ME1: variants seen among roughly 807,000 people sequenced by gnomAD.
The protein encoded by ME1 is NADP-dependent malic enzyme.
A neutral mutation model predicts 66.4 loss-of-function variants in ME1; 74 were observed. That is an observed-to-expected ratio of 1.11 (90% CI 0.92 to 1.35). The LOEUF is 1.35. ME1 is among the 40% of genes most tolerant of loss of function. The probability of loss-of-function intolerance (pLI) is 0.00; values close to 1 mark genes in which losing one functional copy is unlikely to be tolerated. For missense variants in ME1, 750 were observed against 694.1 expected, an observed-to-expected ratio of 1.08 and a Z score of -0.90; for synonymous variants, 251 against 235.6, an observed-to-expected ratio of 1.07 and a Z score of -0.60.
chr6:83,245,314 T>G (rs988520422), intron 7 of ME1, among the ~76,000 whole-genome samples: 3 of 152,136 alleles, frequency 2.0e-5, no homozygotes, highest in Non-Finnish European at 4.4e-5. Context: ...AAGAAGGCAA[T>G]AGAGAGAAAG....
intron 6 of ME1, among the ~76,000 whole-genome samples, chr6:83,268,731 A>G (rs1011871474): frequency 6.9e-6 from 1 of 144,374 alleles, no homozygotes; most frequent in Admixed American, 6.9e-5. Context: ...ATGCCCCGTT[A>G]TTATTATTAT....
chr6:83,343,323 G>A (rs1301244153), intron 5 of ME1, among the ~76,000 whole-genome samples: 1 of 152,150 alleles, frequency 6.6e-6, no homozygotes, highest in Non-Finnish European at 1.5e-5. Context: ...GGTACTCAAT[G>A]TTGGTCTAAT....
intron 1 of ME1, 100 bp downstream of exon 1, chr6:83,430,777 G>T: frequency 9.4e-7 from 1 of 1,061,622 alleles, no homozygotes. Context: ...CTTCCCAGGG[G>T]AGCGGCGGAG....
At chr6:83,222,785 C>A (rs1790117489) in intron 12 of ME1, among the ~76,000 whole-genome samples, 1 of 152,152 alleles carries the variant, frequency 6.6e-6, no homozygotes, top group Admixed American at 6.5e-5. Context: ...CTGTCAATAT[C>A]TATGAAATTG....
chr6:83,293,557 G>A (rs1767542559), intron 6 of ME1, among the ~76,000 whole-genome samples: 2 of 152,076 alleles, frequency 1.3e-5, no homozygotes, highest in African/African-American at 4.8e-5. Flanking sequence ...ATGTTTTACT[G>A]AAACTGAAGA....
rs185728445 is a variant in ME1 at position 83,358,854 on chromosome 6, A to G, written c.363-6715T>C. Among the ~76,000 whole-genome samples the G allele has an allele frequency of 5.1e-4, 78 of 152,174 alleles. 1 individual carries two copies. Among genetic ancestry groups the G allele is most frequent in the African/African-American group, 1.7e-3 (72 of 41,544 alleles). ...GATGGCCTCCCCTGAGGCAGTTGCC[A>G]GGCAAGATAATGTTTTTTTTTTTCT... On this transcript the variant is annotated intron_variant, in intron 3 of 13. Transcript: ENST00000369705.
intron 6 of ME1, among the ~76,000 whole-genome samples, chr6:83,254,017 A>C (rs1237097785): frequency 6.6e-6 from 1 of 152,158 alleles, no homozygotes; most frequent in Non-Finnish European, 1.5e-5. Flanking sequence ...AAAATTTTTG[A>C]AGTAAATAAG....
At chr6:83,417,047 TTTTGTTTTGC>T (rs994471401) in intron 1 of ME1, among the ~76,000 whole-genome samples, 11 of 152,078 alleles carry the variant, frequency 7.2e-5, no homozygotes, top group Non-Finnish European at 1.0e-4. Flanking sequence ...TGCAATAAGG[TTTTGTTTTGC>T]TTTGTTTTGC....
chr6:83,428,629 A>G (rs1359371928), intron 1 of ME1, among the ~76,000 whole-genome samples: 1 of 152,184 alleles, frequency 6.6e-6, no homozygotes, highest in Non-Finnish European at 1.5e-5. Context: ...TTAAAGGCCT[A>G]GAGGTCTTGA....
chr6:83,319,069 C>T (rs1425416495), intron 5 of ME1, among the ~76,000 whole-genome samples: 3 of 150,218 alleles, frequency 2.0e-5, no homozygotes, highest in East Asian at 2.0e-4. Flanking sequence ...AACCAAACAC[C>T]GCATGTTCTC....
intron 4 of ME1, 31 bp downstream of exon 4, chr6:83,352,033 T>A (rs1768810464): frequency 1.4e-6 from 2 of 1,473,316 alleles, no homozygotes; most frequent in African/African-American, 1.4e-5. Context: ...AAAGAAAAAA[T>A]TTGCTATAGT....
chr6:83,296,249 CA>C (rs1161799269), intron 6 of ME1, among the ~76,000 whole-genome samples: 1 of 151,776 alleles, frequency 6.6e-6, no homozygotes, highest in Non-Finnish European at 1.5e-5. Flanking sequence ...AGCACTGAAG[CA>C]AAAATCCTCA....
intron 2 of ME1, among the ~76,000 whole-genome samples, chr6:83,401,758 T>C (rs1769845514): frequency 6.6e-6 from 1 of 152,192 alleles, no homozygotes; most frequent in African/African-American, 2.4e-5. Flanking sequence ...AAGGCCAACC[T>C]GGCTATTATA....
intron 3 of ME1, among the ~76,000 whole-genome samples, chr6:83,379,747 A>G (rs1234910042): frequency 6.6e-6 from 1 of 152,066 alleles, no homozygotes; most frequent in Non-Finnish European, 1.5e-5. Context: ...TCCAATGATA[A>G]TTTCTGTAAT....
chr6:83,231,972 A>G (rs190986090), intron 9 of ME1, among the ~76,000 whole-genome samples: 70 of 152,322 alleles, frequency 4.6e-4, no homozygotes, highest in Middle Eastern at 6.8e-3. Context: ...CGTAGAAGAT[A>G]TAACCAGATT....
chr6:83,310,238 CA>C (rs1767905659), intron 6 of ME1, among the ~76,000 whole-genome samples: 1 of 152,122 alleles, frequency 6.6e-6, no homozygotes, highest in Non-Finnish European at 1.5e-5. Context: ...CATCCACATC[CA>C]GTGACTAATT....
chr6:83,308,698 G>A (rs1394933407), intron 6 of ME1, among the ~76,000 whole-genome samples: 1 of 150,116 alleles, frequency 6.7e-6, no homozygotes, highest in African/African-American at 2.5e-5. Context: ...TAACTTTTTA[G>A]AAACTAGGGA....
chr6:83,410,811 T>G (rs1307283585), intron 1 of ME1, among the ~76,000 whole-genome samples: 2 of 152,224 alleles, frequency 1.3e-5, no homozygotes, highest in African/African-American at 4.8e-5. Flanking sequence ...AGTTAGCCAG[T>G]CTTTTAACAT....
At chr6:83,290,256 T>C (rs1000431615) in intron 6 of ME1, among the ~76,000 whole-genome samples, 1 of 152,228 alleles carries the variant, frequency 6.6e-6, no homozygotes, top group African/African-American at 2.4e-5. Flanking sequence ...CTTTCTCTTG[T>C]GGGCATTTAG....
Sources: gnomAD v4.1 joint callset for allele counts (sites outside exome capture counted in the v4.1 genomes callset) on GRCh38, gnomAD v4.1.1 for gene constraint, MANE v1.5 for transcripts, NCBI Gene and HGNC (gene_info 2026-07-23, HGNC 2026-07-21) for gene names.